The following VCL variants were observed in gnomAD, a reference collection of about 807,000 sequenced individuals.
VCL encodes the protein epididymis luminal protein 114.
Under a neutral mutation model 125.7 loss-of-function variants are expected in VCL, and 47 were observed. The ratio of observed to expected loss-of-function variants is 0.37; its 90% CI spans 0.30 to 0.48. VCL has a LOEUF of 0.48. VCL is among the 20% of genes least tolerant of loss of function. The pLI, the probability that VCL is intolerant of heterozygous loss-of-function variation, is 0.99. For synonymous variants in VCL, 458 were observed against 514.6 expected, an observed-to-expected ratio of 0.89 and a Z score of 1.49; for missense variants, 1,069 against 1,455.5, an observed-to-expected ratio of 0.73 and a Z score of 4.32.
At chr10:74,089,447 TG>T (rs1839842256) in intron 9 of VCL, 98 bp downstream of exon 9, 1 of 1,557,924 alleles carries the variant, frequency 6.4e-7, no homozygotes, top group Non-Finnish European at 8.7e-7. Context: ...TCATTTACTG[TG>T]GTTGGATAAT....
chr10:74,121,199 A>G (rs1192139335), downstream of VCL: 2 of 152,136 alleles, frequency 1.3e-5, no homozygotes, highest in African/African-American at 4.8e-5. Context: ...TTTGCCATTT[A>G]CCATATGTTC....
In VCL at chr10:74,087,513, ATTT is replaced by A. The variant is rs1167937127; in HGVS notation, c.1023-1665_1023-1663del. Among the ~76,000 whole-genome samples the A allele has an allele frequency of 3.8e-3, 467 of 123,036 alleles. 3 individuals are homozygous for A. The highest frequency in any genetic ancestry group is 0.014 in the Middle Eastern group (3 of 222). The allele number at this position is 123,036 out of a possible 152,430, so 80.7% of individuals were successfully genotyped here. A position where few individuals can be genotyped will look rare whatever the true frequency, so the allele number is the denominator to read the frequency against. On this transcript the variant is annotated intron_variant, in intron 8 of 21. Coordinates refer to ENST00000211998, the MANE Select transcript of VCL (RefSeq NM_014000.3). ...AGGCGCCTGCCACCACGCCTGGCTA[ATTT>A]TTTTTTTTTTTTTTTTTGGATTTTT...
intron 1 of VCL, among the ~76,000 whole-genome samples, chr10:74,033,267 T>C (rs1840915157): frequency 6.6e-6 from 1 of 152,236 alleles, no homozygotes. Context: ...TCTTATGTGA[T>C]TCTATTTATA....
Position 74,004,591 on chromosome 10 carries a change from G to T in VCL, c.168+6216G>T, listed in dbSNP as rs147764549. ...TCCATTTGTCCTGGGTCTGGCAACA[G>T]TATCTGTTTAGAGCCTGGCTTTAGC... is the stretch of plus-strand genomic sequence containing the variant. On this transcript the variant is annotated intron_variant, in intron 1 of 21. Coordinates refer to ENST00000211998, the MANE Select transcript of VCL (RefSeq NM_014000.3). Among the ~76,000 whole-genome samples, 6 of 152,324 alleles carry T rather than the reference G, an allele frequency of 3.9e-5. No individual in the cohort carries two copies. The East Asian group carries it at 1.2e-3, about 29-fold the overall frequency.
chr10:74,076,719 C>T (rs1299830748), intron 6 of VCL: 1 of 152,640 alleles, frequency 6.6e-6, no homozygotes, highest in Non-Finnish European at 1.5e-5. Flanking sequence ...GTCTTCCTAA[C>T]TTCATTCTGT....
intron 2 of VCL, among the ~76,000 whole-genome samples, chr10:74,065,393 TC>T (rs1222523365): frequency 2.0e-5 from 3 of 152,064 alleles, no homozygotes; most frequent in Non-Finnish European, 4.4e-5. Context: ...TACCTCGGCC[TC>T]CCAGAGTGCT....
At chr10:74,091,193 T>C (rs1301373607) in intron 10 of VCL, among the ~76,000 whole-genome samples, 1 of 152,188 alleles carries the variant, frequency 6.6e-6, no homozygotes, top group African/African-American at 2.4e-5. Context: ...TAATGTCAAA[T>C]GTAAAAGTTG....
chr10:74,052,197 CT>C (rs1168164944), intron 2 of VCL, among the ~76,000 whole-genome samples: 1 of 152,046 alleles, frequency 6.6e-6, no homozygotes, highest in Non-Finnish European at 1.5e-5. Flanking sequence ...CCTGGACCTG[CT>C]TTAGCTAGTC....
At chr10:74,022,389 T>C (rs998875894) in intron 1 of VCL, among the ~76,000 whole-genome samples, 1 of 151,314 alleles carries the variant, frequency 6.6e-6, no homozygotes, top group Admixed American at 6.6e-5. Flanking sequence ...CTACTAAAAA[T>C]ACAAAAATTA....
chr10:74,091,964 A>C (rs1329579311), intron 10 of VCL, among the ~76,000 whole-genome samples: 2 of 151,916 alleles, frequency 1.3e-5, no homozygotes, highest in East Asian at 3.9e-4. Context: ...GCTGGAGTGC[A>C]GTGGCGTGAT....
rs34197555 is a variant in VCL, at chr10:74,000,259, C to CTTTTTTT, written c.168+1898_168+1904dup. ...CACGGGTCAAGGCCTTTGTATTTTG[C>CTTTTTTT]TTTTTTTTTTTTTTTTTTTTGAGAC... On this transcript the variant is annotated intron_variant, in intron 1 of 21. Transcript: ENST00000211998. Among the ~76,000 whole-genome samples, 6 of 114,824 alleles carry CTTTTTTT rather than the reference C, an allele frequency of 5.2e-5. 1 individual carries two copies. The highest frequency in any genetic ancestry group is 6.7e-5 in the African/African-American group (2 of 29,812). 75.3% of individuals were successfully genotyped at this position (114,824 alleles called of 152,430 possible). A position where few individuals can be genotyped will look rare whatever the true frequency, so the allele number is the denominator to read the frequency against.
At position 74,105,241 on chromosome 10, in the gene VCL, C is replaced by T. The variant is rs202184524; in HGVS notation, c.2322C>T (p.Ser774=). The change falls in exon 16 of 22, where the codon TCC becomes TCT. Residue 774 remains serine (S), a synonymous_variant. Coordinates refer to ENST00000211998, the MANE Select transcript of VCL (RefSeq NM_014000.3). ...LLVAKREVEN[S]EDPKFREAVK... is the part of the protein sequence containing the mutation. ...TGGCTAAGAGGGAGGTGGAGAATTC[C>T]GAGGATCCCAAGTTCCGTGAGGCTG... The T allele has an allele frequency of 9.3e-6, 15 of 1,614,092 alleles. No individual in the cohort carries two copies. Among genetic ancestry groups the T allele is most frequent in the East Asian group, 2.2e-5 (1 of 44,884 alleles).
chr10:74,041,685 A>C (rs1441199636), intron 1 of VCL, among the ~76,000 whole-genome samples: 2 of 151,724 alleles, frequency 1.3e-5, no homozygotes, highest in African/African-American at 4.8e-5. Context: ...TGAGGTCAGG[A>C]GTTCGAGACC....
At chr10:74,090,936 G>A (rs936098371) in intron 10 of VCL, among the ~76,000 whole-genome samples, 6 of 152,022 alleles carry the variant, frequency 3.9e-5, no homozygotes, top group South Asian at 2.1e-4. Flanking sequence ...GAGTAGCTGG[G>A]ACTACAGGCA....
In VCL at chr10:74,112,087, G is replaced by T. The variant is rs767325003; in HGVS notation, c.2924G>T (p.Arg975Leu). Reference protein sequence around the residue: ...PILAAAQSLHREATKWSSKGN... With the variant: ...PILAAAQSLHLEATKWSSKGN... ...CTGGCCGCGGCTCAGTCCTTGCATCGGGAAGCTACCAAGTGGTCTAGTAAG... is the reference window on the plus strand; with the variant it reads ...CTGGCCGCGGCTCAGTCCTTGCATCTGGAAGCTACCAAGTGGTCTAGTAAG... Residue 975 changes from arginine (R) to leucine (L), a missense_variant, in exon 19 of 22, where the codon CGG becomes CTG. Physicochemically the swap from Arg to Leu is moderately radical, Grantham distance 102 (BLOSUM62 -2). This residue lies in a region of VCL where 86 missense variants were observed against 91.0 expected (regional missense o/e 0.95). Transcript: ENST00000211998. 4 of 1,614,162 alleles carry T rather than the reference G, an allele frequency of 2.5e-6. No homozygotes were observed. In the South Asian group the frequency reaches 4.4e-5, roughly 18 times the overall value.
chr10:74,120,436 A>ATCTT (rs1427044494), downstream of VCL: 1 of 152,244 alleles, frequency 6.6e-6, no homozygotes, highest in African/African-American at 2.4e-5. Context: ...GTTTATTTTC[A>ATCTT]TCTTAGAAGA....
chr10:74,098,271 T>G (rs1230984354), intron 13 of VCL, among the ~76,000 whole-genome samples: 1 of 152,362 alleles, frequency 6.6e-6, no homozygotes, highest in East Asian at 1.9e-4. Flanking sequence ...GAAATGTCAC[T>G]TTCGGGTGAC....
At chr10:74,050,932 A>ATTTT (rs10607921) in intron 2 of VCL, among the ~76,000 whole-genome samples, 24 of 77,424 alleles carry the variant, frequency 3.1e-4, no homozygotes, top group Admixed American at 7.2e-4. Flanking sequence ...GTACTACTGT[A>ATTTT]TTTTTTTTTT....
At chr10:74,043,586 A>G (rs1482445946) in intron 2 of VCL, among the ~76,000 whole-genome samples, 2 of 151,988 alleles carry the variant, frequency 1.3e-5, no homozygotes, top group Non-Finnish European at 1.5e-5. Flanking sequence ...ACCTCAGGTG[A>G]TCCACCCACC....
Sources: gnomAD v4.1 joint callset for allele counts (sites outside exome capture counted in the v4.1 genomes callset) on GRCh38, gnomAD v4.1.1 for gene constraint, gnomAD v4.1.1 regional missense constraint, MANE v1.5 for transcripts, NCBI Gene and HGNC (gene_info 2026-07-23, HGNC 2026-07-21) for gene names.